Variants in COL11A1 observed in about 807,000 individuals in gnomAD.
The protein encoded by COL11A1 is collagen alpha-1(XI) chain.
In COL11A1, 74 loss-of-function variants were observed where a neutral mutation model predicts 265.2. That is an observed-to-expected ratio of 0.28 (90% CI 0.23 to 0.34). The LOEUF (loss-of-function observed/expected upper bound fraction) is 0.34. Ranked by LOEUF, COL11A1 falls within the 10% of genes least tolerant of loss-of-function variation. COL11A1 has a pLI of 1.00. For synonymous variants in COL11A1, 816 were observed against 727.6 expected, an observed-to-expected ratio of 1.12 and a Z score of -1.96; for missense variants, 2,165 against 2,263.6, an observed-to-expected ratio of 0.96 and a Z score of 0.88.
intron 66 of COL11A1, 102 bp from the exon 67 acceptor site, chr1:102,878,267 A>G: frequency 9.5e-7 from 1 of 1,047,626 alleles, no homozygotes; most frequent in Non-Finnish European, 1.4e-6. Context: ...AAGCTGAGAG[A>G]GAAGAGAATA....
At position 103,047,928 on chromosome 1, in the gene COL11A1, A is replaced by C. The variant is rs541699169; in HGVS notation, c.652-16684T>G. ...CTTTATTGATTTGCGTCTGTTGAAC[A>C]AGCCTTGCATCCCAGGGATGAAGCC... On this transcript the variant is annotated intron_variant, in intron 4 of 66. Coordinates refer to ENST00000370096, the MANE Select transcript of COL11A1 (RefSeq NM_001854.4). Among the ~76,000 whole-genome samples the C allele has an allele frequency of 1.3e-5, 2 of 152,266 alleles. 1 individual carries two copies. The highest frequency in any genetic ancestry group is 4.1e-4 in the South Asian group (2 of 4,828).
chr1:102,979,224 G>T, intron 32 of COL11A1, 120 bp from the exon 33 acceptor site: 1 of 1,269,180 alleles, frequency 7.9e-7, no homozygotes, highest in Non-Finnish European at 1.1e-6. Flanking sequence ...TATTCATTTA[G>T]AGACAGACTT....
chr1:102,941,943 A>C (rs550545921), intron 42 of COL11A1, among the ~76,000 whole-genome samples: 1 of 152,290 alleles, frequency 6.6e-6, no homozygotes. Context: ...CTGTTGCTAC[A>C]TTACTTAATT....
At position 102,888,311 on chromosome 1, in the gene COL11A1, C is replaced by T. The variant is rs2783569; in HGVS notation, c.4608+266G>A. 0.65 allele frequency among the ~76,000 whole-genome samples: 98,922 copies of T among 151,944 alleles called. 35,501 individuals are homozygous for T. Among genetic ancestry groups the T allele is most frequent in the Middle Eastern group, 0.8 (236 of 294 alleles). On this transcript the variant is annotated intron_variant, in intron 62 of 66. Coordinates refer to ENST00000370096, the MANE Select transcript of COL11A1 (RefSeq NM_001854.4). ...GCATAAAATAAGTTGGTTTCATTAA[C>T]GTGACAAAATAGTATATGATTCTCT...
intron 15 of COL11A1, among the ~76,000 whole-genome samples, chr1:103,008,028 A>G (rs1469431601): frequency 6.6e-6 from 1 of 152,100 alleles, no homozygotes; most frequent in African/African-American, 2.4e-5. Context: ...TTGATAACAC[A>G]TTTCTCTTTT....
At chr1:102,986,689 T>TAGAC in intron 30 of COL11A1, among the ~76,000 whole-genome samples, 1 of 152,308 alleles carries the variant, frequency 6.6e-6, no homozygotes, top group East Asian at 1.9e-4. Context: ...ACACTTGTCA[T>TAGAC]AGACAGTTCT....
At chr1:103,005,385 C>T (rs1335683230) in intron 18 of COL11A1, among the ~76,000 whole-genome samples, 1 of 152,084 alleles carries the variant, frequency 6.6e-6, no homozygotes, top group African/African-American at 2.4e-5. Context: ...TTGCCTTGTA[C>T]TGAAAGTTTT....
intron 35 of COL11A1, among the ~76,000 whole-genome samples, chr1:102,977,567 A>G (rs1662620350): frequency 6.7e-6 from 1 of 150,284 alleles, no homozygotes; most frequent in African/African-American, 2.4e-5. Flanking sequence ...AATGCATGAG[A>G]GAATCAGTGG....
chr1:102,916,975 T>C (rs1203937982), intron 49 of COL11A1, among the ~76,000 whole-genome samples: 1 of 151,920 alleles, frequency 6.6e-6, no homozygotes, highest in Non-Finnish European at 1.5e-5. Flanking sequence ...AAAATGTCCA[T>C]GTTAAAATAT....
intron 2 of COL11A1, 107 bp from the exon 3 acceptor site, chr1:103,078,978 A>T (rs189221704): frequency 9.2e-6 from 7 of 761,292 alleles, no homozygotes; most frequent in Middle Eastern, 3.7e-4. Context: ...TTATAAATCA[A>T]CTAACTTTGA....
At chr1:102,957,398 C>CT (rs1274901808) in intron 41 of COL11A1, among the ~76,000 whole-genome samples, 1 of 152,014 alleles carries the variant, frequency 6.6e-6, no homozygotes, top group East Asian at 1.9e-4. Flanking sequence ...TAAAGCTCTG[C>CT]TTAGGACTTT....
At chr1:103,054,565 G>C (rs895116050) in intron 4 of COL11A1, among the ~76,000 whole-genome samples, 2 of 151,984 alleles carry the variant, frequency 1.3e-5, no homozygotes, top group Non-Finnish European at 2.9e-5. Flanking sequence ...AATGAAAAAA[G>C]GGTGTTTTGT....
At chr1:103,092,762 C>T (rs545789397) in intron 1 of COL11A1, among the ~76,000 whole-genome samples, 22 of 152,096 alleles carry the variant, frequency 1.4e-4, no homozygotes, top group Non-Finnish European at 2.9e-4. Context: ...ACATTTAGTG[C>T]GATATTGTAA....
chr1:103,036,960 T>C (rs937934928), intron 4 of COL11A1, among the ~76,000 whole-genome samples: 1 of 152,002 alleles, frequency 6.6e-6, no homozygotes, highest in Non-Finnish European at 1.5e-5. Flanking sequence ...GAAAACTAAA[T>C]AGAAACTGTC....
chr1:103,044,075 GA>G (rs1254766135), intron 4 of COL11A1, among the ~76,000 whole-genome samples: 2 of 151,400 alleles, frequency 1.3e-5, no homozygotes, highest in Non-Finnish European at 2.9e-5. Flanking sequence ...AAATTCTTAA[GA>G]AGTAACTACC....
chr1:102,914,306 A>G (rs1160390318), intron 52 of COL11A1, 46 bp downstream of exon 52: 1 of 1,436,988 alleles, frequency 7.0e-7, no homozygotes, highest in Non-Finnish European at 9.8e-7. Flanking sequence ...CAGAAATTGG[A>G]AACATTCACT....
chr1:102,910,704 T>G (rs1007622858), intron 54 of COL11A1, among the ~76,000 whole-genome samples: 1 of 152,078 alleles, frequency 6.6e-6, no homozygotes, highest in Non-Finnish European at 1.5e-5. Context: ...TGATTTATCT[T>G]ATGTTCAACC....
Position 102,923,362 on chromosome 1 carries a change from C to A in COL11A1, c.3628G>T (p.Gly1210Cys). ...QGLPGPPGEK[G>C]ENGDVGPMGP... Reference sequence around the variant, plus strand: ...ATGGGACCAACATCCCCATTTTCACCTTTTTCACCAGGTGGGCCTGGCAGA... The same window carrying A: ...ATGGGACCAACATCCCCATTTTCACATTTTTCACCAGGTGGGCCTGGCAGA... Residue 1210 changes from glycine (G) to cysteine (C), a missense_variant, in exon 47 of 67, where the codon GGT (glycine) becomes TGT (cysteine). Physicochemically the swap from Gly to Cys is radical, Grantham distance 159. Transcript: ENST00000370096. The A allele has an allele frequency of 6.2e-7, 1 of 1,605,780 alleles. No homozygotes were observed. Among genetic ancestry groups the A allele is most frequent in the Non-Finnish European group, 8.5e-7 (1 of 1,175,274 alleles).
At chr1:103,084,573 A>G (rs1380235012) in intron 1 of COL11A1, among the ~76,000 whole-genome samples, 1 of 149,112 alleles carries the variant, frequency 6.7e-6, no homozygotes, top group East Asian at 2.0e-4. Context: ...AAAACAGTAC[A>G]CTACATGAAA....
Sources: gnomAD v4.1 joint callset for allele counts (sites outside exome capture counted in the v4.1 genomes callset) on GRCh38, gnomAD v4.1.1 for gene constraint, MANE v1.5 for transcripts, NCBI Gene and HGNC (gene_info 2026-07-23, HGNC 2026-07-21) for gene names.